CTSB: variants seen among roughly 807,000 people sequenced by gnomAD.
The protein encoded by CTSB is APP secretase.
Under a neutral mutation model 44.3 loss-of-function variants are expected in CTSB, and 57 were observed. The ratio of observed to expected loss-of-function variants is 1.29; its 90% CI spans 1.04 to 1.60. CTSB has a LOEUF of 1.60. CTSB is among the 40% of genes most tolerant of loss of function. The pLI, the probability that CTSB is intolerant of heterozygous loss-of-function variation, is 0.00. For missense variants in CTSB, 768 were observed against 443.0 expected (o/e 1.73, Z -6.59); for synonymous variants, 320 against 168.0 (o/e 1.91, Z -7.00).
chr8:11,864,251 A>T (rs1386452278), intron 1 of CTSB: 1 of 135,536 alleles, frequency 7.4e-6, no homozygotes. Flanking sequence ...GGAGGAGGCA[A>T]GGGGATCACT....
At chr8:11,847,335 C>T (rs191608610) in intron 7 of CTSB, among the ~76,000 whole-genome samples, 167 bp from the exon 8 acceptor site, 13 of 152,096 alleles carry the variant, frequency 8.5e-5, no homozygotes, top group Non-Finnish European at 1.5e-4. Flanking sequence ...GAACTAAGGA[C>T]AGGGCTGGGG....
intron 3 of CTSB, among the ~76,000 whole-genome samples, chr8:11,852,273 T>A (rs574777484): frequency 1.3e-5 from 2 of 152,084 alleles, no homozygotes; most frequent in South Asian, 4.1e-4. Context: ...CAGGAGGCTG[T>A]GGCATGAGAA....
intron 1 of CTSB, among the ~76,000 whole-genome samples, chr8:11,863,462 A>G (rs575107043): frequency 6.6e-6 from 1 of 152,120 alleles, no homozygotes; most frequent in East Asian, 1.9e-4. Context: ...CGTTTCAAAA[A>G]AAAAACAAAA....
chr8:11,861,929 C>T (rs900865870), intron 1 of CTSB, among the ~76,000 whole-genome samples: 1 of 151,962 alleles, frequency 6.6e-6, no homozygotes, highest in Non-Finnish European at 1.5e-5. Context: ...AGCTCTGGGC[C>T]GGGCATGCTG....
chr8:11,844,140 A>C lies in CTSB; in HGVS notation c.*985T>G, dbSNP rs538720224. 2 of 152,356 alleles carry C rather than the reference A, an allele frequency of 1.3e-5. No individual in the cohort carries two copies. Among genetic ancestry groups the C allele is most frequent in the East Asian group, 1.9e-4 (1 of 5,176 alleles). The allele number at this position is 152,356 out of a possible 1,614,324, so 9.4% of individuals were successfully genotyped here. A position where few individuals can be genotyped will look rare whatever the true frequency, so the allele number is the denominator to read the frequency against. Reference sequence around the variant, plus strand: ...GGTTGACGAGGATGACAGGGAACTAATTGGGGGAGGGATGCCATGGTTGAA... The same window carrying C: ...GGTTGACGAGGATGACAGGGAACTACTTGGGGGAGGGATGCCATGGTTGAA... On this transcript the variant is annotated 3_prime_UTR_variant, in exon 10 of 10. Coordinates refer to ENST00000353047, the MANE Select transcript of CTSB (RefSeq NM_001908.5).
At chr8:11,853,576 A>G in intron 1 of CTSB, 97 bp from the exon 2 acceptor site, 3 of 1,249,936 alleles carry the variant, frequency 2.4e-6, no homozygotes, top group South Asian at 1.5e-5. Context: ...GGGGACCCCC[A>G]TGCTCGTCCT....
At chr8:11,847,004 T>TCCCCCCCCCCCCC in intron 8 of CTSB, 48 bp downstream of exon 8, 1 of 904,642 alleles carries the variant, frequency 1.1e-6, no homozygotes, top group Non-Finnish European at 1.9e-6. Context: ...GCACCCAGGC[T>TCCCCCCCCCCCCC]CCCCTCCCGA....
chr8:11,848,631 G>A (rs1009127411), intron 5 of CTSB: 1 of 304,048 alleles, frequency 3.3e-6, no homozygotes, highest in Non-Finnish European at 6.5e-6. Context: ...CGGAACCAAG[G>A]CGAGGCTGCA....
At chr8:11,860,211 G>A (rs535453292) in intron 1 of CTSB, among the ~76,000 whole-genome samples, 32 of 152,306 alleles carry the variant, frequency 2.1e-4, no homozygotes, top group Admixed American at 7.2e-4. Context: ...GCTAGCTCCT[G>A]GCTGATAGAC....
rs558171377 is a variant in CTSB at position 11,852,818 on chromosome 8, G to T, written c.127-123C>A. On this transcript the variant is annotated intron_variant, in intron 2 of 9. Transcript: ENST00000353047. ...CCCTACCCAATTCAAGGGCCCAAGGGTTGGGGGGCACTGGGGAACAGCCCA... is the reference window on the plus strand; with the variant it reads ...CCCTACCCAATTCAAGGGCCCAAGGTTTGGGGGGCACTGGGGAACAGCCCA... 5 of 824,068 alleles carry T rather than the reference G, an allele frequency of 6.1e-6. No individual in the cohort carries two copies. In the African/African-American group the frequency reaches 6.7e-5, roughly 11 times the overall value. 51.0% of individuals were successfully genotyped at this position (824,068 alleles called of 1,614,324 possible).
rs577536161 is a variant in CTSB, at chr8:11,851,086, G to A, written c.213-106C>T. 6.6e-5 allele frequency: 40 copies of A among 606,550 alleles called. No homozygotes were observed. The Middle Eastern group carries it at 1.4e-3, about 21-fold the overall frequency. The allele number at this position is 606,550 out of a possible 1,614,324, so 37.6% of individuals were successfully genotyped here. A position where few individuals can be genotyped will look rare whatever the true frequency, so the allele number is the denominator to read the frequency against. ...CCACACTCCCCTAACAAGGAAATGA[G>A]CACAAGACATGCCGAAGAAGGCTGC... On this transcript the variant is annotated intron_variant, in intron 3 of 9. Transcript: ENST00000353047.
chr8:11,845,666 T>G lies in CTSB; in HGVS notation c.917A>C (p.Asp306Ala). ...VANSWNTDWGDNGFFKILRGQ... is the reference protein window; with the variant it reads ...VANSWNTDWGANGFFKILRGQ... ...GGAAGGGGGCAGCCACTCACCATTGTCACCCCAGTCAGTGTTCCAGGAGTT... is the reference window on the plus strand; with the variant it reads ...GGAAGGGGGCAGCCACTCACCATTGGCACCCCAGTCAGTGTTCCAGGAGTT... The change falls in exon 9 of 10, where the codon GAC (aspartate) becomes GCC (alanine). Residue 306 changes from aspartate to alanine, a missense_variant. Transcript: ENST00000353047. 6.2e-7 allele frequency: 1 copy of G among 1,612,792 alleles called. No individual in the cohort carries two copies. The highest frequency in any genetic ancestry group is 8.5e-7 in the Non-Finnish European group (1 of 1,178,966).
At chr8:11,857,515 G>A (rs930133476) in intron 1 of CTSB, among the ~76,000 whole-genome samples, 34 of 152,230 alleles carry the variant, frequency 2.2e-4, no homozygotes, top group African/African-American at 7.0e-4. Flanking sequence ...AAGCCAAGTC[G>A]AGGATGGGAG....
chr8:11,861,716 C>T (rs544704493), intron 1 of CTSB, among the ~76,000 whole-genome samples: 25 of 152,224 alleles, frequency 1.6e-4, no homozygotes, highest in Non-Finnish European at 3.1e-4. Flanking sequence ...GCATTCACCA[C>T]GTCTGCATCG....
chr8:11,860,398 G>C (rs1353971225), intron 1 of CTSB, among the ~76,000 whole-genome samples: 5 of 152,126 alleles, frequency 3.3e-5, no homozygotes, highest in Admixed American at 2.6e-4. Flanking sequence ...CAAGGAGGTG[G>C]ATCACCTGAG....
Position 11,844,909 on chromosome 8 carries a change from C to G in CTSB, c.*216G>C, listed in dbSNP as rs953811278. On this transcript the variant is annotated 3_prime_UTR_variant, in exon 10 of 10. Coordinates refer to ENST00000353047, the MANE Select transcript of CTSB (RefSeq NM_001908.5). ...ACTAGTCTACAGGGGGAAGGACGCT[C>G]TGTGCTGGCAGCGGTGGCTCACATG... 1.1e-5 allele frequency: 6 copies of G among 567,508 alleles called. No individual in the cohort carries two copies. Among genetic ancestry groups the G allele is most frequent in the Non-Finnish European group, 1.9e-5 (6 of 317,350 alleles). 35.2% of individuals were successfully genotyped at this position (567,508 alleles called of 1,614,324 possible).
rs1491104071 is a variant in CTSB, at chr8:11,844,027, T to TGTCA, written c.*1094_*1097dup. On this transcript the variant is annotated 3_prime_UTR_variant, in exon 10 of 10. Transcript: ENST00000353047. Reference sequence around the variant, plus strand: ...CAGCCTGGGAGACGGAATCTCACTCTGTCAGTCACAACAACAACAAAAAAA... The same window carrying TGTCA: ...CAGCCTGGGAGACGGAATCTCACTCTGTCAGTCAGTCACAACAACAACAAAAAAA... The TGTCA allele has an allele frequency of 5.3e-5, 8 of 151,844 alleles. No homozygotes were observed. In the East Asian group the frequency reaches 1.5e-3, roughly 29 times the overall value. The allele number at this position is 151,844 out of a possible 1,614,324, so 9.4% of individuals were successfully genotyped here. A position where few individuals can be genotyped will look rare whatever the true frequency, so the allele number is the denominator to read the frequency against.
In CTSB at chr8:11,844,916, G is replaced by C. The variant is rs965769396; in HGVS notation, c.*209C>G. 5 of 578,096 alleles carry C rather than the reference G, an allele frequency of 8.6e-6. No homozygotes were observed. Among genetic ancestry groups the C allele is most frequent in the African/African-American group, 5.6e-5 (3 of 53,654 alleles). The allele number at this position is 578,096 out of a possible 1,614,324, so 35.8% of individuals were successfully genotyped here. ...TACAGGGGGAAGGACGCTCTGTGCTGGCAGCGGTGGCTCACATGGCCTGTC... is the reference window on the plus strand; with the variant it reads ...TACAGGGGGAAGGACGCTCTGTGCTCGCAGCGGTGGCTCACATGGCCTGTC... On this transcript the variant is annotated 3_prime_UTR_variant, in exon 10 of 10. Coordinates refer to ENST00000353047, the MANE Select transcript of CTSB (RefSeq NM_001908.5).
chr8:11,847,873 G>GCCCCAGCTGGGCGAGGCAC (rs1554542802), intron 6 of CTSB, 51 bp from the exon 7 acceptor site: 1 of 1,545,212 alleles, frequency 6.5e-7, no homozygotes, highest in Non-Finnish European at 8.7e-7. Context: ...CCACGGAGAA[G>GCCCCAGCTGGGCGAGGCAC]ACCTGGGGCA....
Sources: allele counts gnomAD v4.1 joint callset (sites outside exome capture counted in the v4.1 genomes callset), GRCh38; gene constraint gnomAD v4.1.1; transcripts MANE v1.5; gene names NCBI Gene and HGNC (gene_info 2026-07-23, HGNC 2026-07-21).